Variants in RAB3GAP2 observed in about 807,000 individuals in gnomAD.
RAB3GAP2 encodes rab3 GTPase-activating protein non-catalytic subunit.
A neutral mutation model predicts 185.3 loss-of-function variants in RAB3GAP2; 87 were observed. That is an observed-to-expected ratio of 0.47 (90% CI 0.39 to 0.56). The LOEUF (loss-of-function observed/expected upper bound fraction) is 0.56. Among genes scored for constraint, RAB3GAP2 ranks in the 20% least tolerant of loss-of-function variants. The pLI is 0.00. For missense variants in RAB3GAP2, 1,492 were observed against 1,638.2 expected (o/e 0.91, Z 1.54); for synonymous variants, 554 against 576.1 (o/e 0.96, Z 0.55).
At chr1:220,260,008 T>C (rs1050733719) in intron 1 of RAB3GAP2, among the ~76,000 whole-genome samples, 1 of 152,162 alleles carries the variant, frequency 6.6e-6, no homozygotes, top group African/African-American at 2.4e-5. Flanking sequence ...TCACTAATCA[T>C]TACAGAAATG....
At chr1:220,245,508 G>A (rs933507968) in intron 1 of RAB3GAP2, among the ~76,000 whole-genome samples, 11 of 152,224 alleles carry the variant, frequency 7.2e-5, no homozygotes, top group African/African-American at 1.9e-4. Context: ...ACCTGGCTCG[G>A]AGGGTCCTAC....
At chr1:220,266,820 G>A in intron 1 of RAB3GAP2, 1 of 1,596,724 alleles carries the variant, frequency 6.3e-7, no homozygotes, top group Non-Finnish European at 8.6e-7. Context: ...CTGGGAACAT[G>A]CTTCAACAGT....
intron 26 of RAB3GAP2, 55 bp downstream of exon 26, chr1:220,167,238 G>C: frequency 6.8e-7 from 1 of 1,468,000 alleles, no homozygotes; most frequent in Non-Finnish European, 9.5e-7. Flanking sequence ...CCCCATATAT[G>C]AATAGCATGA....
intron 21 of RAB3GAP2, among the ~76,000 whole-genome samples, chr1:220,173,795 C>T (rs377018226): frequency 4.0e-4 from 61 of 151,954 alleles, no homozygotes; most frequent in African/African-American, 1.2e-3. Flanking sequence ...CCGAGGCGGG[C>T]GGATCACGAG....
At chr1:220,267,394 TC>T in intron 1 of RAB3GAP2, 1 of 1,270,600 alleles carries the variant, frequency 7.9e-7, no homozygotes, top group Non-Finnish European at 1.2e-6. Flanking sequence ...GAGTTGATGC[TC>T]CACTCCTGCT....
intron 2 of RAB3GAP2, among the ~76,000 whole-genome samples, chr1:220,228,234 C>T (rs1057050212): frequency 6.6e-6 from 1 of 152,108 alleles, no homozygotes; most frequent in Non-Finnish European, 1.5e-5. Context: ...CTTTCCACTC[C>T]TTTACATTCT....
chr1:220,202,446 C>T lies in RAB3GAP2; in HGVS notation c.713-72G>A, dbSNP rs114038940. 15,543 of 1,458,452 alleles carry T rather than the reference C, an allele frequency of 0.011. 119 individuals are homozygous for T. Among genetic ancestry groups the T allele is most frequent in the Non-Finnish European group, 0.013 (13,300 of 1,046,102 alleles). The allele number at this position is 1,458,452 out of a possible 1,614,324, so 90.3% of individuals were successfully genotyped here. On this transcript the variant is annotated intron_variant, in intron 8 of 34. Coordinates refer to ENST00000358951, the MANE Select transcript of RAB3GAP2 (RefSeq NM_012414.4). ...GAAGTTTTACAAAAAAACATTAAAA[C>T]CATACTAATTTGTTATTCTAAAATT...
In RAB3GAP2 at chr1:220,149,497, ATAC is replaced by A. The variant is rs1189423187; in HGVS notation, c.*1751_*1753del. 3 of 152,240 alleles carry A rather than the reference ATAC, an allele frequency of 2.0e-5. No homozygotes were observed. The highest frequency in any genetic ancestry group is 4.4e-5 in the Non-Finnish European group (3 of 68,050). 9.4% of individuals were successfully genotyped at this position (152,240 alleles called of 1,614,324 possible). On this transcript the variant is annotated 3_prime_UTR_variant, in exon 35 of 35. Transcript: ENST00000358951. ...TTCTTTGACTAGCCTCCTTAAGTTC[ATAC>A]TACTACTTTCAGCGTACTTGGAAAA...
At chr1:220,183,188 T>C (rs912632557) in intron 19 of RAB3GAP2, among the ~76,000 whole-genome samples, 10 of 152,046 alleles carry the variant, frequency 6.6e-5, no homozygotes, top group African/African-American at 1.7e-4. Flanking sequence ...AAAGAAATGG[T>C]ATTAAAAGTA....
intron 19 of RAB3GAP2, among the ~76,000 whole-genome samples, chr1:220,183,444 G>T (rs1257321501): frequency 6.6e-6 from 1 of 151,726 alleles, no homozygotes; most frequent in Non-Finnish European, 1.5e-5. Flanking sequence ...GTAGAGGCAG[G>T]GTCCCACTAT....
chr1:220,199,018 T>A (rs1032656917), intron 9 of RAB3GAP2, among the ~76,000 whole-genome samples: 1 of 151,990 alleles, frequency 6.6e-6, no homozygotes, highest in Non-Finnish European at 1.5e-5. Flanking sequence ...GCTTGCTGTG[T>A]CTGAGGAACA....
At chr1:220,241,862 T>C (rs1008907094) in intron 1 of RAB3GAP2, among the ~76,000 whole-genome samples, 22 of 152,088 alleles carry the variant, frequency 1.4e-4, no homozygotes, top group African/African-American at 5.3e-4. Context: ...ATTTATATAT[T>C]ATTTATTTTT....
chr1:220,245,970 A>AG (rs1223054183), intron 1 of RAB3GAP2, among the ~76,000 whole-genome samples: 1 of 152,180 alleles, frequency 6.6e-6, no homozygotes, highest in African/African-American at 2.4e-5. Context: ...GTCTCTTAGA[A>AG]GGAAAACTAA....
intron 1 of RAB3GAP2, among the ~76,000 whole-genome samples, chr1:220,260,220 C>T (rs1660107514): frequency 6.6e-6 from 1 of 152,040 alleles, no homozygotes; most frequent in Non-Finnish European, 1.5e-5. Flanking sequence ...ACCTTTTGGC[C>T]CAGCAATCCC....
rs771453302 is a variant in RAB3GAP2 at position 220,182,343 on chromosome 1, A to T, written c.2224T>A (p.Phe742Ile). 5.6e-6 allele frequency: 9 copies of T among 1,614,076 alleles called. No individual in the cohort carries two copies. Among genetic ancestry groups the T allele is most frequent in the Non-Finnish European group, 7.6e-6 (9 of 1,179,974 alleles). ...EEYVALGSFF[F>I]WKCLHGESST... ...CTTTCTCCATGCAAACACTTCCAAA[A>T]AAAGAAACTACCTGGTAGAAGAAAA... Residue 742 changes from phenylalanine to isoleucine, a missense_variant, in exon 21 of 35, where the codon TTT becomes ATT. Coordinates refer to ENST00000358951, the MANE Select transcript of RAB3GAP2 (RefSeq NM_012414.4).
rs1660237663 is a variant in RAB3GAP2, at chr1:220,266,936, G to A, written c.115+5287C>T. The A allele has an allele frequency of 1.9e-6, 3 of 1,593,886 alleles. No homozygotes were observed. In the East Asian group the frequency reaches 6.7e-5, roughly 36 times the overall value. ...TCTTGGTATGTATTTGCCTCAAAAG[G>A]AGGCTTCCCAACTAAAAATTCACAG... On this transcript the variant is annotated intron_variant, in intron 1 of 34. Coordinates refer to ENST00000358951, the MANE Select transcript of RAB3GAP2 (RefSeq NM_012414.4).
chr1:220,220,172 C>T (rs79783181), intron 2 of RAB3GAP2: 2 of 152,366 alleles, frequency 1.3e-5, no homozygotes, highest in African/African-American at 2.4e-5. Flanking sequence ...TTGCCTCCCC[C>T]ACCCTGTTAC....
intron 1 of RAB3GAP2, among the ~76,000 whole-genome samples, chr1:220,246,677 A>G (rs540949204): frequency 1.5e-5 from 2 of 129,752 alleles, no homozygotes; most frequent in South Asian, 2.8e-4. Context: ...AGAACAAAAA[A>G]CCAAACACCG....
intron 1 of RAB3GAP2, chr1:220,267,521 G>A: frequency 3.6e-6 from 5 of 1,400,276 alleles, no homozygotes; most frequent in Middle Eastern, 1.8e-4. Flanking sequence ...CCAATTTCAA[G>A]GTCTTCCAAA....
Sources: allele counts gnomAD v4.1 joint callset (sites outside exome capture counted in the v4.1 genomes callset), GRCh38; gene constraint gnomAD v4.1.1; transcripts MANE v1.5; gene names NCBI Gene and HGNC (gene_info 2026-07-23, HGNC 2026-07-21).